The following PPP1R12C variants were observed in gnomAD, a reference collection of about 807,000 sequenced individuals.
The protein encoded by PPP1R12C is leukocyte receptor cluster (LRC) encoded novel gene 3.
A neutral mutation model predicts 95.6 loss-of-function variants in PPP1R12C; 48 were observed. That is an observed-to-expected ratio of 0.50 (90% CI 0.40 to 0.64). The LOEUF (loss-of-function observed/expected upper bound fraction) is 0.64, where lower values mean the gene tolerates loss of function less well. Ranked by LOEUF, PPP1R12C falls within the 30% of genes least tolerant of loss-of-function variation. PPP1R12C has a pLI of 0.00. For synonymous variants in PPP1R12C, 480 were observed against 460.8 expected (o/e 1.04, Z -0.53); for missense variants, 1,057 against 1,083.3 (o/e 0.98, Z 0.34).
At chr19:55,102,749 T>C (rs2084992093) in intron 4 of PPP1R12C, among the ~76,000 whole-genome samples, 2 of 152,188 alleles carry the variant, frequency 1.3e-5, no homozygotes, top group South Asian at 4.1e-4. Flanking sequence ...CAGAGAACAC[T>C]GTACCTGATG....
Position 55,091,547 on chromosome 19 carries a change from G to A in PPP1R12C, c.2274C>T (p.Asp758=), listed in dbSNP as rs144853372. The A allele has an allele frequency of 8.1e-6, 13 of 1,613,632 alleles. No homozygotes were observed. The African/African-American group carries it at 1.5e-4, about 18-fold the overall frequency. The change falls in exon 22 of 22, where the codon GAC becomes GAT. Residue 758 remains aspartate (D), a synonymous_variant. Transcript: ENST00000263433. ...TGAGGCGCTGGTTGTCAGCGCGGAG[G>A]TCAGACAGGGCCTGGGGGACGGCAA... ...ELEEELKALS[D]LRADNQRLKD... is the part of the protein sequence containing the mutation.
chr19:55,115,231 G>C (rs889555237), intron 1 of PPP1R12C: 1 of 152,296 alleles, frequency 6.6e-6, no homozygotes, highest in Non-Finnish European at 1.5e-5. Flanking sequence ...TTTCCACACG[G>C]ACACCCCCCT....
In PPP1R12C at chr19:55,117,538, G is replaced by A. The variant is rs1217265318; in HGVS notation, c.6C>T (p.Ser2=). The change falls in exon 1 of 22, where the codon TCC becomes TCT. Residue 2 remains serine, a synonymous_variant. Transcript: ENST00000263433. ...GGCCAGCCGCCGGGCCATCCTCTCC[G>A]GACATCGCACCGCCCGCCCGCCCAG... is the stretch of plus-strand genomic sequence containing the variant. The part of the protein sequence containing the change: M[S]GEDGPAAGPG... 1 of 1,006,014 alleles carries A rather than the reference G, an allele frequency of 9.9e-7. No individual in the cohort carries two copies. The highest frequency in any genetic ancestry group is 4.3e-5 in the South Asian group (1 of 23,496). 62.3% of individuals were successfully genotyped at this position (1,006,014 alleles called of 1,614,324 possible).
chr19:55,092,407 G>T, intron 18 of PPP1R12C, 35 bp downstream of exon 18: 1 of 1,580,886 alleles, frequency 6.3e-7, no homozygotes, highest in Middle Eastern at 1.7e-4. Context: ...TGGGCACCCA[G>T]CAGGCAAAGC....
chr19:55,102,554 G>A (rs1253734441), intron 4 of PPP1R12C, among the ~76,000 whole-genome samples: 1 of 152,152 alleles, frequency 6.6e-6, no homozygotes, highest in Non-Finnish European at 1.5e-5. Context: ...AAATAATCTA[G>A]TCTTAAAATA....
intron 16 of PPP1R12C, 49 bp from the exon 17 acceptor site, chr19:55,092,711 G>A (rs1203844904): frequency 2.0e-6 from 3 of 1,527,636 alleles, no homozygotes; most frequent in Non-Finnish European, 2.6e-6. Flanking sequence ...GGACTTTAGC[G>A]GGTATGGGAA....
rs979512827 is a variant in PPP1R12C, at chr19:55,095,101, G to A, written c.1454+190C>T. 8.2e-6 allele frequency: 6 copies of A among 735,502 alleles called. No homozygotes were observed. The Admixed American group carries it at 9.7e-5, about 12-fold the overall frequency. 45.6% of individuals were successfully genotyped at this position (735,502 alleles called of 1,614,324 possible). ...GCACCTCGGGGTGGGGGGAAGATAG[G>A]GGAGAAGGTGACGTTTCAACACAGA... On this transcript the variant is annotated intron_variant, in intron 11 of 21. Coordinates refer to ENST00000263433, the MANE Select transcript of PPP1R12C (RefSeq NM_017607.4).
rs182247761 is a variant in PPP1R12C, at chr19:55,109,160, G to A, written c.571+3307C>T. Among the ~76,000 whole-genome samples the A allele has an allele frequency of 1.1e-3, 168 of 152,306 alleles. No homozygotes were observed. The highest frequency in any genetic ancestry group is 3.8e-3 in the African/African-American group (158 of 41,568). ...GAGACAGGGTCTTGCCCCCAGGCTG[G>A]AGTGACCGTGGTTCACTGCATCTTC... is the stretch of plus-strand genomic sequence containing the variant. On this transcript the variant is annotated intron_variant, in intron 3 of 21. Transcript: ENST00000263433. This position sits in a 1 kb window ranked among gnomAD's most constrained non-coding sequence, Gnocchi z 4.4.
chr19:55,102,264 A>G (rs1362072791), intron 4 of PPP1R12C, among the ~76,000 whole-genome samples: 1 of 152,252 alleles, frequency 6.6e-6, no homozygotes, highest in African/African-American at 2.4e-5. Context: ...CTGTAACCCC[A>G]GCATTTTGGA....
intron 6 of PPP1R12C, among the ~76,000 whole-genome samples, chr19:55,097,553 C>T (rs1201282157): frequency 6.3e-5 from 1 of 15,908 alleles, no homozygotes; most frequent in Non-Finnish European, 1.8e-4. Context: ...GCCCCTTCCC[C>T]ACGCAGTTCA....
Position 55,096,300 on chromosome 19 carries a change from G to A in PPP1R12C, c.987C>T (p.Gly329=), listed in dbSNP as rs1377832115. 1.2e-6 allele frequency: 2 copies of A among 1,613,780 alleles called. No individual in the cohort carries two copies. The highest frequency in any genetic ancestry group is 1.7e-6 in the Non-Finnish European group (2 of 1,179,930). Residue 329 remains glycine, a synonymous_variant, in exon 7 of 22, where the codon GGC becomes GGT. Transcript: ENST00000263433. Reference sequence around the variant, plus strand: ...TGCTAGAGGGCGCTTGGGGCTCCTGGCCCCGGCTCTGGGAAGCTTCTTTTT... The same window carrying A: ...TGCTAGAGGGCGCTTGGGGCTCCTGACCCCGGCTCTGGGAAGCTTCTTTTT... ...RNQKEASQSR[G]QEPQAPSSSK... is the part of the protein sequence containing the mutation.
At chr19:55,115,752 A>G (rs1297345537) in intron 1 of PPP1R12C, among the ~76,000 whole-genome samples, 1 of 152,196 alleles carries the variant, frequency 6.6e-6, no homozygotes, top group African/African-American at 2.4e-5. Context: ...TCTGTCACCA[A>G]TCCTGTCCCT....
At chr19:55,092,409 A>C (rs1325910046) in intron 18 of PPP1R12C, 33 bp downstream of exon 18, 2 of 1,582,438 alleles carry the variant, frequency 1.3e-6, no homozygotes, top group African/African-American at 2.7e-5. Context: ...GGCACCCAGC[A>C]GGCAAAGCCC....
Position 55,091,224 on chromosome 19 carries a change from C to T in PPP1R12C, c.*248G>A. 1.8e-6 allele frequency: 1 copy of T among 559,680 alleles called. No homozygotes were observed. Among genetic ancestry groups the T allele is most frequent in the Non-Finnish European group, 3.2e-6 (1 of 311,510 alleles). 34.7% of individuals were successfully genotyped at this position (559,680 alleles called of 1,614,324 possible). A position where few individuals can be genotyped will look rare whatever the true frequency, so the allele number is the denominator to read the frequency against. On this transcript the variant is annotated 3_prime_UTR_variant, in exon 22 of 22. Transcript: ENST00000263433. ...TCTTGGTCCTCAGTTCCTTCCTGGT[C>T]CCGTCTCTGGCCCTGGTCCCCTCTG... is the stretch of plus-strand genomic sequence containing the variant.
At chr19:55,100,243 T>C (rs1403442853) in intron 4 of PPP1R12C, among the ~76,000 whole-genome samples, 2 of 152,140 alleles carry the variant, frequency 1.3e-5, no homozygotes, top group Non-Finnish European at 2.9e-5. Context: ...CATAACCCTA[T>C]TTATATCTTA....
rs1459458720 is a variant in PPP1R12C at position 55,117,294 on chromosome 19, G to A, written c.250C>T (p.Pro84Ser). ...ADPGPGAELDPAAPPPARAVL... is the reference protein window; with the variant it reads ...ADPGPGAELDSAAPPPARAVL... ...GCGCGGGCGGGCGGCGGCGCGGCGG[G>A]GTCGAGCTCGGCGCCGGGGCCAGGG... is the stretch of plus-strand genomic sequence containing the variant. Residue 84 changes from proline (P) to serine (S), a missense_variant, in exon 1 of 22, where the codon CCC becomes TCC. Coordinates refer to ENST00000263433, the MANE Select transcript of PPP1R12C (RefSeq NM_017607.4). The A allele has an allele frequency of 3.3e-6, 4 of 1,213,100 alleles. No individual in the cohort carries two copies. Among genetic ancestry groups the A allele is most frequent in the Non-Finnish European group, 4.1e-6 (4 of 977,306 alleles). 75.1% of individuals were successfully genotyped at this position (1,213,100 alleles called of 1,614,324 possible).
At chr19:55,098,036 C>A (rs143999715) in intron 6 of PPP1R12C, among the ~76,000 whole-genome samples, 1 of 152,322 alleles carries the variant, frequency 6.6e-6, no homozygotes, top group Admixed American at 6.5e-5. Context: ...TTCGCTCCTG[C>A]CAACCTTTCA....
chr19:55,091,409 G>T lies in PPP1R12C; in HGVS notation c.*63C>A. On this transcript the variant is annotated 3_prime_UTR_variant, in exon 22 of 22. Coordinates refer to ENST00000263433, the MANE Select transcript of PPP1R12C (RefSeq NM_017607.4). ...GAGCCCTGTCACTCGTGTTCACACG[G>T]GGGAAGGGGTGCGTGTGGCAGAAGC... 1 of 1,484,440 alleles carries T rather than the reference G, an allele frequency of 6.7e-7. No individual in the cohort carries two copies. The allele number at this position is 1,484,440 out of a possible 1,614,324, so 92.0% of individuals were successfully genotyped here. A position where few individuals can be genotyped will look rare whatever the true frequency, so the allele number is the denominator to read the frequency against.
chr19:55,113,478 C>T, intron 1 of PPP1R12C: 4 of 1,469,682 alleles, frequency 2.7e-6, no homozygotes, highest in Non-Finnish European at 3.6e-6. Context: ...TGACACGGGC[C>T]ACCGTTTCTC....
Sources: gnomAD v4.1 joint callset for allele counts (sites outside exome capture counted in the v4.1 genomes callset) on GRCh38, gnomAD v4.1.1 for gene constraint, Gnocchi (gnomAD v3.1) non-coding constraint, MANE v1.5 for transcripts, NCBI Gene and HGNC (gene_info 2026-07-23, HGNC 2026-07-21) for gene names.